KCNIP4: variants seen among roughly 807,000 people sequenced by gnomAD.
The protein encoded by KCNIP4 is Kv channel-interacting protein 4.
A neutral mutation model predicts 34.0 loss-of-function variants in KCNIP4; 12 were observed. The observed-to-expected ratio is 0.35, with a 90% CI of 0.23 to 0.57. KCNIP4 has a LOEUF of 0.57. Ranked by LOEUF, KCNIP4 falls within the 20% of genes least tolerant of loss-of-function variation. KCNIP4 has a pLI of 0.83. For missense variants in KCNIP4, 238 were observed against 311.7 expected (o/e 0.76, Z 1.78); for synonymous variants, 124 against 102.2 (o/e 1.21, Z -1.29).
intron 1 of KCNIP4, among the ~76,000 whole-genome samples, chr4:21,019,782 T>C (rs1306818567): frequency 2.6e-5 from 4 of 152,218 alleles, no homozygotes; most frequent in Non-Finnish European, 5.9e-5. Flanking sequence ...TTAGAATTAA[T>C]TTATATAGGG....
intron 1 of KCNIP4, among the ~76,000 whole-genome samples, chr4:21,391,426 G>C (rs759475120): frequency 2.0e-5 from 3 of 152,028 alleles, no homozygotes; most frequent in Non-Finnish European, 2.9e-5. Flanking sequence ...TTGATGCTAG[G>C]TGGCCACCTG....
chr4:20,835,562 G>A lies in KCNIP4; in HGVS notation c.288+14981C>T, dbSNP rs1171920969. Among the ~76,000 whole-genome samples, 6 of 152,116 alleles carry A rather than the reference G, an allele frequency of 3.9e-5. No individual in the cohort carries two copies. In the South Asian group the frequency reaches 8.3e-4, roughly 21 times the overall value. On this transcript the variant is annotated intron_variant, in intron 3 of 8. Transcript: ENST00000382152. ...GGTTCATTATATGCATTCAATGCATGTTATTTTTCTTACAATTGTTAGTAA... is the reference window on the plus strand; with the variant it reads ...GGTTCATTATATGCATTCAATGCATATTATTTTTCTTACAATTGTTAGTAA...
At chr4:21,694,111 A>G (rs1463311140) in intron 1 of KCNIP4, among the ~76,000 whole-genome samples, 1 of 152,238 alleles carries the variant, frequency 6.6e-6, no homozygotes, top group Admixed American at 6.5e-5. Flanking sequence ...GAAACAGTTC[A>G]AAACATGATA....
rs550936687 is a variant in KCNIP4 at position 20,843,702 on chromosome 4, C to T, written c.288+6841G>A. Among the ~76,000 whole-genome samples the T allele has an allele frequency of 1.2e-4, 18 of 152,218 alleles. No individual in the cohort carries two copies. In the South Asian group the frequency reaches 3.7e-3, roughly 32 times the overall value. The stretch of plus-strand genomic sequence containing the variant: ...TGGAGATCGCGCCACTGCATTCCAG[C>T]CTGGGTGACAGAGCGAGACTCCGTC... On this transcript the variant is annotated intron_variant, in intron 3 of 8. Transcript: ENST00000382152.
At chr4:21,444,791 G>A (rs1328845562) in intron 1 of KCNIP4, among the ~76,000 whole-genome samples, 2 of 152,140 alleles carry the variant, frequency 1.3e-5, no homozygotes, top group African/African-American at 4.8e-5. Flanking sequence ...TCAGGTAGGA[G>A]AAGGAAATAA....
chr4:21,048,385 T>G (rs1742622482), intron 1 of KCNIP4, among the ~76,000 whole-genome samples: 1 of 152,156 alleles, frequency 6.6e-6, no homozygotes, highest in African/African-American at 2.4e-5. Context: ...TGTTCACCAG[T>G]CAACTGACCA....
chr4:21,465,239 G>A (rs1036874103), intron 1 of KCNIP4, among the ~76,000 whole-genome samples: 2 of 152,132 alleles, frequency 1.3e-5, no homozygotes, highest in African/African-American at 4.8e-5. Flanking sequence ...ACATACACTT[G>A]ATTCTACTAT....
In KCNIP4 at chr4:21,894,152, T is replaced by C. The variant is rs370605853; in HGVS notation, c.61+54419A>G. On this transcript the variant is annotated intron_variant, in intron 1 of 8. Transcript: ENST00000382152. ...CTCAAGACCAGCCTGGGAAACATGG[T>C]AAAACCCTGTCTCTACTAAAAATAC... is the stretch of plus-strand genomic sequence containing the variant. 2.6e-5 allele frequency among the ~76,000 whole-genome samples: 4 copies of C among 151,852 alleles called. No homozygotes were observed. The East Asian group carries it at 7.8e-4, about 30-fold the overall frequency.
chr4:21,788,572 T>C (rs1720063786), intron 1 of KCNIP4, among the ~76,000 whole-genome samples: 1 of 152,142 alleles, frequency 6.6e-6, no homozygotes. Flanking sequence ...GCATCTCAGA[T>C]CCAAAGGGTA....
At chr4:21,504,465 C>CAAAAAAA (rs376644707) in intron 1 of KCNIP4, among the ~76,000 whole-genome samples, 31 of 56,300 alleles carry the variant, frequency 5.5e-4, no homozygotes, top group African/African-American at 2.1e-3. Context: ...GACTCCAACT[C>CAAAAAAA]AAAAAAAAAA....
chr4:20,790,331 T>A (rs545411466), intron 3 of KCNIP4, among the ~76,000 whole-genome samples: 2 of 152,308 alleles, frequency 1.3e-5, no homozygotes. Flanking sequence ...AGGACATTGC[T>A]GTACACTACT....
At chr4:21,028,244 C>T (rs1477374641) in intron 1 of KCNIP4, among the ~76,000 whole-genome samples, 4 of 152,092 alleles carry the variant, frequency 2.6e-5, no homozygotes, top group South Asian at 2.1e-4. Context: ...CTTCCTAGCA[C>T]GTCTACTTGC....
intron 1 of KCNIP4, among the ~76,000 whole-genome samples, chr4:21,255,647 GA>G (rs113073511): frequency 4.7e-4 from 65 of 139,758 alleles, no homozygotes; most frequent in East Asian, 1.5e-3. Flanking sequence ...CTTTAAAATA[GA>G]AAAAAAAAAA....
At chr4:21,914,050 C>A (rs1037975360) in intron 1 of KCNIP4, among the ~76,000 whole-genome samples, 1 of 152,104 alleles carries the variant, frequency 6.6e-6, no homozygotes, top group Non-Finnish European at 1.5e-5. Flanking sequence ...GCAGAGGCCA[C>A]CGCATGAAAC....
chr4:20,878,359 C>A (rs1431837169), intron 2 of KCNIP4, among the ~76,000 whole-genome samples: 1 of 152,160 alleles, frequency 6.6e-6, no homozygotes, highest in Non-Finnish European at 1.5e-5. Flanking sequence ...CCTTCTAGGA[C>A]ACTCTCTCCA....
At chr4:21,181,811 T>G (rs1754863696) in intron 1 of KCNIP4, among the ~76,000 whole-genome samples, 1 of 152,168 alleles carries the variant, frequency 6.6e-6, no homozygotes, top group South Asian at 2.1e-4. Context: ...TTTAACATTC[T>G]CTGTGGGAAC....
At chr4:21,820,764 T>C (rs988008402) in intron 1 of KCNIP4, among the ~76,000 whole-genome samples, 4 of 152,180 alleles carry the variant, frequency 2.6e-5, no homozygotes, top group African/African-American at 7.2e-5. Context: ...TCAATGATCA[T>C]TAAAGTTTTT....
At chr4:20,836,274 A>G (rs533290932) in intron 3 of KCNIP4, among the ~76,000 whole-genome samples, 79 of 152,272 alleles carry the variant, frequency 5.2e-4, no homozygotes, top group African/African-American at 1.9e-3. Flanking sequence ...CTTAAATCCA[A>G]TAAACCCTTT....
At chr4:21,010,387 G>C (rs1201825076) in intron 1 of KCNIP4, among the ~76,000 whole-genome samples, 1 of 152,142 alleles carries the variant, frequency 6.6e-6, no homozygotes, top group Admixed American at 6.6e-5. Context: ...GAAGTCCCTT[G>C]GGGAACCACA....
Sources: allele counts gnomAD v4.1 joint callset (sites outside exome capture counted in the v4.1 genomes callset), GRCh38; gene constraint gnomAD v4.1.1; transcripts MANE v1.5; gene names NCBI Gene and HGNC (gene_info 2026-07-23, HGNC 2026-07-21).